TRPC4AP: variants seen among roughly 807,000 people sequenced by gnomAD.
TRPC4AP encodes the protein short transient receptor potential channel 4-associated protein.
Under a neutral mutation model 99.0 loss-of-function variants are expected in TRPC4AP, and 45 were observed. That is an observed-to-expected ratio of 0.45 (90% CI 0.36 to 0.58). The LOEUF is 0.58. Ranked by LOEUF, TRPC4AP falls within the 20% of genes least tolerant of loss-of-function variation. The pLI is 0.00. For synonymous variants in TRPC4AP, 408 were observed against 385.8 expected, an observed-to-expected ratio of 1.06 and a Z score of -0.67; for missense variants, 879 against 985.3, an observed-to-expected ratio of 0.89 and a Z score of 1.44.
chr20:35,051,411 G>A (rs573201882), intron 5 of TRPC4AP, among the ~76,000 whole-genome samples: 4 of 152,118 alleles, frequency 2.6e-5, no homozygotes, highest in East Asian at 1.9e-4. Flanking sequence ...GGGCTCAAGC[G>A]ATCCCCCCAC....
intron 2 of TRPC4AP, among the ~76,000 whole-genome samples, chr20:35,075,329 G>A (rs1177333953): frequency 6.6e-6 from 1 of 152,172 alleles, no homozygotes; most frequent in Non-Finnish European, 1.5e-5. Context: ...TTGCTCATTA[G>A]TTGATGCAGT....
intron 8 of TRPC4AP, 88 bp downstream of exon 8, chr20:35,035,035 A>G: frequency 7.1e-7 from 1 of 1,405,916 alleles, no homozygotes; most frequent in Non-Finnish European, 9.7e-7. Flanking sequence ...CAAATCTCAA[A>G]TTAATCCTTC....
intron 7 of TRPC4AP, 72 bp downstream of exon 7, chr20:35,044,433 A>G (rs2147360102): frequency 1.4e-6 from 2 of 1,412,560 alleles, no homozygotes; most frequent in East Asian, 4.7e-5. Flanking sequence ...AAAGAAAAAG[A>G]AAAAAAACTA....
intron 6 of TRPC4AP, among the ~76,000 whole-genome samples, chr20:35,048,668 G>A (rs2083617455): frequency 6.6e-6 from 1 of 152,096 alleles, no homozygotes; most frequent in Non-Finnish European, 1.5e-5. Context: ...ATGTTTGGTG[G>A]AACACCTCGC....
intron 2 of TRPC4AP, among the ~76,000 whole-genome samples, chr20:35,077,615 C>G (rs2084517987): frequency 6.6e-6 from 1 of 152,204 alleles, no homozygotes; most frequent in Admixed American, 6.5e-5. Flanking sequence ...GCTCTTTCCA[C>G]TCATTTCCCA....
At chr20:35,055,083 C>T (rs755604387) in intron 4 of TRPC4AP, 52 bp from the exon 5 acceptor site, 6 of 1,495,716 alleles carry the variant, frequency 4.0e-6, no homozygotes, top group South Asian at 3.4e-5. Context: ...AAAGATAGTA[C>T]AACAGTTACC....
intron 1 of TRPC4AP, among the ~76,000 whole-genome samples, chr20:35,089,621 C>T (rs1031314198): frequency 3.3e-5 from 5 of 152,092 alleles, no homozygotes; most frequent in Non-Finnish European, 5.9e-5. Context: ...GAGGACAAGG[C>T]AGGGGGATCA....
At chr20:35,089,413 T>A (rs1390623758) in intron 1 of TRPC4AP, among the ~76,000 whole-genome samples, 1 of 122,854 alleles carries the variant, frequency 8.1e-6, no homozygotes, top group South Asian at 2.5e-4. Context: ...TTTTTTTTTT[T>A]GTAGTAGAGC....
chr20:35,087,538 G>T (rs1381933272), intron 1 of TRPC4AP, among the ~76,000 whole-genome samples: 1 of 152,108 alleles, frequency 6.6e-6, no homozygotes, highest in Non-Finnish European at 1.5e-5. Context: ...TGTAATGTGA[G>T]CTGCACTATC....
chr20:35,005,247 G>T (rs896571804), intron 16 of TRPC4AP, among the ~76,000 whole-genome samples: 2 of 152,196 alleles, frequency 1.3e-5, no homozygotes, highest in South Asian at 4.1e-4. Context: ...GGGGGTGTGG[G>T]GGGGTCACAA....
At chr20:35,023,971 G>A (rs1213444603) in intron 8 of TRPC4AP, among the ~76,000 whole-genome samples, 9 of 152,214 alleles carry the variant, frequency 5.9e-5, no homozygotes, top group African/African-American at 2.2e-4. Flanking sequence ...CCAAAGCAAT[G>A]GCCAGAGCTT....
At chr20:35,011,772 G>C (rs2082643190) in intron 11 of TRPC4AP, among the ~76,000 whole-genome samples, 1 of 152,308 alleles carries the variant, frequency 6.6e-6, no homozygotes, top group African/African-American at 2.4e-5. Flanking sequence ...TCACATGCCT[G>C]TTCACTCAAT....
intron 5 of TRPC4AP, among the ~76,000 whole-genome samples, chr20:35,054,106 G>A (rs1013760406): frequency 2.6e-5 from 4 of 151,402 alleles, no homozygotes; most frequent in Non-Finnish European, 4.4e-5. Flanking sequence ...TTCTAAGTTC[G>A]TGATCTTGGT....
intron 8 of TRPC4AP, among the ~76,000 whole-genome samples, chr20:35,025,966 G>A (rs1412314557): frequency 8.6e-5 from 13 of 152,010 alleles, no homozygotes. Flanking sequence ...TAAGGCAGGG[G>A]ATCTAACTTC....
intron 9 of TRPC4AP, among the ~76,000 whole-genome samples, chr20:35,019,716 TA>T (rs1308971205): frequency 6.6e-6 from 1 of 152,206 alleles, no homozygotes; most frequent in Non-Finnish European, 1.5e-5. Context: ...AAGCTGTCCC[TA>T]AAACTATTAT....
intron 1 of TRPC4AP, among the ~76,000 whole-genome samples, chr20:35,085,191 G>A (rs1179377946): frequency 6.6e-6 from 1 of 152,156 alleles, no homozygotes; most frequent in African/African-American, 2.4e-5. Context: ...AGCAGGCAGG[G>A]CACTGCTGTT....
intron 6 of TRPC4AP, among the ~76,000 whole-genome samples, chr20:35,046,679 G>A (rs1418760355): frequency 6.6e-6 from 1 of 152,028 alleles, no homozygotes; most frequent in Non-Finnish European, 1.5e-5. Context: ...TGTGCAGGGG[G>A]CATTGGGGAA....
intron 1 of TRPC4AP, among the ~76,000 whole-genome samples, chr20:35,086,507 A>ATG (rs35771366): frequency 1.4e-4 from 9 of 62,972 alleles, no homozygotes; most frequent in Non-Finnish European, 2.4e-4. Flanking sequence ...GTGTATATAT[A>ATG]TGTGTGTGTG....
chr20:35,058,073 G>A (rs1396641213), intron 3 of TRPC4AP, among the ~76,000 whole-genome samples: 1 of 152,050 alleles, frequency 6.6e-6, no homozygotes, highest in African/African-American at 2.4e-5. Context: ...TCATTCTACG[G>A]AGAGAAAGGA....
Sources: allele counts gnomAD v4.1 joint callset (sites outside exome capture counted in the v4.1 genomes callset), GRCh38; gene constraint gnomAD v4.1.1; transcripts MANE v1.5; gene names NCBI Gene and HGNC (gene_info 2026-07-23, HGNC 2026-07-21).